The following TCF4 variants were observed in gnomAD, a reference collection of about 807,000 sequenced individuals.
TCF4 encodes SL3-3 enhancer factor 2.
In TCF4, 3 loss-of-function variants were observed where a neutral mutation model predicts 82.1. The observed-to-expected ratio is 0.04, with a 90% CI of 0.02 to 0.09. The LOEUF is 0.09. Ranked by LOEUF, TCF4 falls within the 10% of genes least tolerant of loss-of-function variation. The pLI is 1.00. For missense variants in TCF4, 518 were observed against 852.7 expected (o/e 0.61, Z 4.89); for synonymous variants, 276 against 309.6 (o/e 0.89, Z 1.14).
chr18:55,574,192 T>C (rs955328942), intron 3 of TCF4, among the ~76,000 whole-genome samples: 4 of 152,240 alleles, frequency 2.6e-5, no homozygotes, highest in African/African-American at 9.6e-5. Context: ...CGCCTTCCTT[T>C]ATATTCACAT....
chr18:55,624,012 GA>G (rs1026969776), intron 2 of TCF4, among the ~76,000 whole-genome samples: 1 of 152,096 alleles, frequency 6.6e-6, no homozygotes, highest in Admixed American at 6.6e-5. Context: ...GCAAATTTGA[GA>G]ATGAGATAAT....
intron 8 of TCF4, among the ~76,000 whole-genome samples, chr18:55,285,487 C>T (rs927346541): frequency 2.6e-5 from 4 of 152,100 alleles, no homozygotes; most frequent in Non-Finnish European, 5.9e-5. Context: ...AGCTGCTGTC[C>T]AATCAGTAGC....
chr18:55,536,143 C>T (rs2097112677), intron 3 of TCF4, among the ~76,000 whole-genome samples: 1 of 152,158 alleles, frequency 6.6e-6, no homozygotes, highest in Admixed American at 6.5e-5. Flanking sequence ...ATAGTACTCC[C>T]ATTGGCAAAT....
intron 3 of TCF4, among the ~76,000 whole-genome samples, chr18:55,484,586 T>C (rs1264418672): frequency 6.6e-6 from 1 of 152,210 alleles, no homozygotes; most frequent in African/African-American, 2.4e-5. Context: ...TGCATGGCAG[T>C]GGGGCCCATA....
chr18:55,628,541 T>C (rs1267555142), intron 2 of TCF4, among the ~76,000 whole-genome samples: 1 of 152,192 alleles, frequency 6.6e-6, no homozygotes, highest in Non-Finnish European at 1.5e-5. Flanking sequence ...GCCTCCTGTC[T>C]TTCATTATAC....
intron 3 of TCF4, among the ~76,000 whole-genome samples, chr18:55,568,542 T>C (rs1020845265): frequency 1.3e-5 from 2 of 151,836 alleles, no homozygotes; most frequent in Non-Finnish European, 2.9e-5. Context: ...TAAGTTTATA[T>C]ATATATTTAA....
intron 2 of TCF4, among the ~76,000 whole-genome samples, chr18:55,617,811 C>CTGTGTGTGTGTGTGTGTGTGTG (rs74182107): frequency 7.1e-6 from 1 of 140,610 alleles, no homozygotes; most frequent in Non-Finnish European, 1.5e-5. Context: ...TTAATTCTAA[C>CTGTGTGTGTGTGTGTGTGTGTG]TGTGTGTGTG....
intron 6 of TCF4, among the ~76,000 whole-genome samples, chr18:55,399,378 T>A (rs1048681892): frequency 1.3e-5 from 2 of 152,182 alleles, no homozygotes; most frequent in Non-Finnish European, 2.9e-5. Flanking sequence ...AATTCTTAAA[T>A]TCCATTAGTC....
intron 6 of TCF4, among the ~76,000 whole-genome samples, chr18:55,365,156 A>AATATATATATATATATAT (rs139574594): frequency 1.4e-3 from 118 of 83,500 alleles, no homozygotes; most frequent in East Asian, 2.6e-3. Context: ...CCATCTCCAA[A>AATATATATATATATATAT]ATATATATAT....
chr18:55,241,017 T>A (rs1399129944), intron 15 of TCF4, among the ~76,000 whole-genome samples: 1 of 152,212 alleles, frequency 6.6e-6, no homozygotes, highest in Non-Finnish European at 1.5e-5. Flanking sequence ...ATATTGATTC[T>A]CCAGATAATA....
In TCF4 at chr18:55,366,415, G is replaced by A. The variant is rs79389319; in HGVS notation, c.370-15412C>T. Among the ~76,000 whole-genome samples, 186 of 152,260 alleles carry A rather than the reference G, an allele frequency of 1.2e-3. 1 individual carries two copies. Among genetic ancestry groups the A allele is most frequent in the African/African-American group, 4.2e-3 (175 of 41,546 alleles). On this transcript the variant is annotated intron_variant, in intron 6 of 19. Transcript: ENST00000354452. ...TGCGGCTGTTTCAGACTTCACTGGAGAGTTACACAGGACATGTTATATACA... is the reference window on the plus strand; with the variant it reads ...TGCGGCTGTTTCAGACTTCACTGGAAAGTTACACAGGACATGTTATATACA...
At chr18:55,468,881 G>GC (rs5825142) in intron 3 of TCF4, among the ~76,000 whole-genome samples, 2,183 of 106,120 alleles carry the variant, frequency 0.021, 41 homozygotes, top group Non-Finnish European at 0.028. Flanking sequence ...TTTAGTTCTC[G>GC]CCCCCCCCCC....
chr18:55,258,204 A>G (rs773221163), intron 13 of TCF4, among the ~76,000 whole-genome samples: 2 of 152,192 alleles, frequency 1.3e-5, no homozygotes, highest in Admixed American at 6.5e-5. Context: ...TTTATGCTAA[A>G]TAAAAATAGA....
chr18:55,605,417 G>A (rs2097701336), intron 2 of TCF4, among the ~76,000 whole-genome samples: 1 of 152,212 alleles, frequency 6.6e-6, no homozygotes, highest in Non-Finnish European at 1.5e-5. Flanking sequence ...GTGACATTGT[G>A]TGGTGGAGCA....
chr18:55,446,858 T>C (rs1350286652), intron 5 of TCF4, among the ~76,000 whole-genome samples: 1 of 151,798 alleles, frequency 6.6e-6, no homozygotes, highest in Non-Finnish European at 1.5e-5. Context: ...TGGTGGTAGA[T>C]GCCTGTAGTC....
chr18:55,354,940 CACA>C (rs995696677), intron 6 of TCF4, among the ~76,000 whole-genome samples: 1 of 152,122 alleles, frequency 6.6e-6, no homozygotes, highest in Non-Finnish European at 1.5e-5. Flanking sequence ...CGGTATCAGA[CACA>C]ACATCTTGGG....
chr18:55,504,161 C>T (rs1318381012), intron 3 of TCF4, among the ~76,000 whole-genome samples: 1 of 152,224 alleles, frequency 6.6e-6, no homozygotes, highest in Non-Finnish European at 1.5e-5. Context: ...TACTGATCAT[C>T]TATCAGGTAG....
intron 5 of TCF4, among the ~76,000 whole-genome samples, chr18:55,434,469 G>C (rs1003975965): frequency 2.8e-4 from 40 of 140,450 alleles, no homozygotes; most frequent in African/African-American, 1.0e-3. Context: ...GCCGAGGCTA[G>C]AGTGCAGTGG....
intron 8 of TCF4, among the ~76,000 whole-genome samples, chr18:55,306,096 G>A (rs1661453341): frequency 6.6e-6 from 1 of 152,150 alleles, no homozygotes; most frequent in Admixed American, 6.5e-5. Flanking sequence ...CACCTTCCAT[G>A]TAACAACAAA....
Sources: gnomAD v4.1 joint callset for allele counts (sites outside exome capture counted in the v4.1 genomes callset) on GRCh38, gnomAD v4.1.1 for gene constraint, MANE v1.5 for transcripts, NCBI Gene and HGNC (gene_info 2026-07-23, HGNC 2026-07-21) for gene names.